The following IPO11 variants were observed in gnomAD, a reference collection of about 807,000 sequenced individuals.
IPO11 encodes importin 11, also known as importin-11.
In IPO11, 66 loss-of-function variants were observed where a neutral mutation model predicts 143.2. The ratio of observed to expected loss-of-function variants is 0.46; its 90% CI spans 0.38 to 0.57. IPO11 has a LOEUF of 0.57. Among genes scored for constraint, IPO11 ranks in the 20% least tolerant of loss-of-function variants. IPO11 has a pLI of 0.00. For synonymous variants in IPO11, 385 were observed against 377.8 expected, an observed-to-expected ratio of 1.02 and a Z score of -0.22; for missense variants, 1,026 against 1,141.0, an observed-to-expected ratio of 0.90 and a Z score of 1.45.
chr5:62,527,327 A>G (rs1230315779), intron 21 of IPO11, among the ~76,000 whole-genome samples: 1 of 152,220 alleles, frequency 6.6e-6, no homozygotes, highest in African/African-American at 2.4e-5. Context: ...TCTAAGTCAC[A>G]CAGTCTTTGT....
intron 9 of IPO11, among the ~76,000 whole-genome samples, chr5:62,480,906 A>ATTTTTT (rs34947365): frequency 1.2e-5 from 1 of 84,964 alleles, no homozygotes; most frequent in African/African-American, 5.0e-5. Flanking sequence ...TTCCTCTTTC[A>ATTTTTT]TTTTTTTTTT....
intron 22 of IPO11, among the ~76,000 whole-genome samples, chr5:62,536,335 TG>T: frequency 6.6e-6 from 1 of 152,196 alleles, no homozygotes; most frequent in Non-Finnish European, 1.5e-5. Context: ...GGAAAATATA[TG>T]GGGAGCTTGG....
intron 5 of IPO11, among the ~76,000 whole-genome samples, chr5:62,459,109 C>G (rs1332596679): frequency 6.6e-6 from 1 of 150,376 alleles, no homozygotes; most frequent in African/African-American, 2.4e-5. Context: ...TTTTTTTGTT[C>G]CTCCTCCTTA....
intron 1 of IPO11, among the ~76,000 whole-genome samples, chr5:62,432,910 C>T (rs1382384030): frequency 6.6e-6 from 1 of 152,134 alleles, no homozygotes; most frequent in East Asian, 1.9e-4. Flanking sequence ...GTTAAGCTGG[C>T]GACTGACGAT....
chr5:62,625,903 ATCT>A (rs1285553765), intron 29 of IPO11, among the ~76,000 whole-genome samples: 1 of 152,240 alleles, frequency 6.6e-6, no homozygotes, highest in Admixed American at 6.5e-5. Context: ...TTTTAGAGTA[ATCT>A]TCTTAATTTG....
chr5:62,573,855 T>C (rs1240100401), intron 27 of IPO11, among the ~76,000 whole-genome samples: 1 of 152,214 alleles, frequency 6.6e-6, no homozygotes, highest in Admixed American at 6.5e-5. Context: ...CTCAGCCGTA[T>C]TGGGTGGTCT....
chr5:62,420,477 G>A (rs760157367), intron 1 of IPO11, among the ~76,000 whole-genome samples: 2 of 151,972 alleles, frequency 1.3e-5, no homozygotes, highest in Non-Finnish European at 2.9e-5. Flanking sequence ...GATTTACTAC[G>A]ACTTAGGATG....
At chr5:62,598,788 G>C (rs1198477955) in intron 28 of IPO11, among the ~76,000 whole-genome samples, 3 of 151,334 alleles carry the variant, frequency 2.0e-5, no homozygotes, top group African/African-American at 7.3e-5. Context: ...CAAGTGATCT[G>C]CTTGCCACAG....
chr5:62,564,703 GA>G (rs1743877460), intron 27 of IPO11, among the ~76,000 whole-genome samples: 1 of 152,008 alleles, frequency 6.6e-6, no homozygotes, highest in Admixed American at 6.5e-5. Flanking sequence ...CACGACAATT[GA>G]AAATATCATC....
intron 26 of IPO11, among the ~76,000 whole-genome samples, chr5:62,559,598 G>T (rs1224936412): frequency 6.7e-6 from 1 of 150,352 alleles, no homozygotes; most frequent in African/African-American, 2.4e-5. Context: ...TTTTGTTTTT[G>T]TTTTTTTTTC....
chr5:62,599,127 C>T (rs1396801160), intron 28 of IPO11, among the ~76,000 whole-genome samples: 2 of 152,162 alleles, frequency 1.3e-5, no homozygotes, highest in Admixed American at 1.3e-4. Context: ...CTGAATTAGA[C>T]ACTATGGGAG....
chr5:62,622,587 C>G (rs1746415488), intron 29 of IPO11, among the ~76,000 whole-genome samples: 1 of 152,084 alleles, frequency 6.6e-6, no homozygotes, highest in Non-Finnish European at 1.5e-5. Flanking sequence ...TTGCTCAGAT[C>G]TAGGTTTGAA....
chr5:62,523,080 C>T (rs760114716), intron 20 of IPO11, among the ~76,000 whole-genome samples: 55 of 152,154 alleles, frequency 3.6e-4, no homozygotes, highest in Non-Finnish European at 5.6e-4. Flanking sequence ...TTCCTGCTCC[C>T]CTGCTGGATT....
chr5:62,504,037 G>T (rs1479740538), intron 16 of IPO11, among the ~76,000 whole-genome samples: 3 of 152,176 alleles, frequency 2.0e-5, no homozygotes, highest in Non-Finnish European at 4.4e-5. Flanking sequence ...AGCCGATTAA[G>T]TCTGCGATAA....
intron 27 of IPO11, among the ~76,000 whole-genome samples, chr5:62,585,858 A>G (rs1453045857): frequency 1.3e-5 from 2 of 152,216 alleles, no homozygotes; most frequent in African/African-American, 4.8e-5. Flanking sequence ...TGATGAATTG[A>G]GTAAATGGAA....
chr5:62,555,241 G>A (rs550932630), intron 26 of IPO11, among the ~76,000 whole-genome samples: 1 of 150,858 alleles, frequency 6.6e-6, no homozygotes, highest in Non-Finnish European at 1.5e-5. Context: ...CACGAACATG[G>A]TGTGTCTTTT....
rs1188256357 is a variant in IPO11, at chr5:62,443,191, G to C, written c.239+108G>C. The C allele has an allele frequency of 3.0e-5, 18 of 597,920 alleles. No individual in the cohort carries two copies. The Admixed American group carries it at 3.8e-4, about 13-fold the overall frequency. 37.0% of individuals were successfully genotyped at this position (597,920 alleles called of 1,614,324 possible). A position where few individuals can be genotyped will look rare whatever the true frequency, so the allele number is the denominator to read the frequency against. ...GGATGTGTTAGCGCTTACTTCTGCA[G>C]CACATATACTAAAATTGGAGCAATA... is the stretch of plus-strand genomic sequence containing the variant. On this transcript the variant is annotated intron_variant, in intron 3 of 29. Transcript: ENST00000325324.
intron 3 of IPO11, among the ~76,000 whole-genome samples, chr5:62,446,392 G>A (rs1000135660): frequency 2.6e-5 from 4 of 152,168 alleles, no homozygotes; most frequent in Non-Finnish European, 5.9e-5. Context: ...CTGGTTGTAC[G>A]AGGTTGCACT....
At chr5:62,460,370 G>T (rs1745312764) in intron 5 of IPO11, among the ~76,000 whole-genome samples, 1 of 152,104 alleles carries the variant, frequency 6.6e-6, no homozygotes, top group East Asian at 1.9e-4. Flanking sequence ...CTTGTAGGAT[G>T]CTCTGCCTCC....
Sources: allele counts gnomAD v4.1 joint callset (sites outside exome capture counted in the v4.1 genomes callset), GRCh38; gene constraint gnomAD v4.1.1; transcripts MANE v1.5; gene names NCBI Gene and HGNC (gene_info 2026-07-23, HGNC 2026-07-21).